Variants in NRXN1 observed in about 807,000 individuals in gnomAD.
NRXN1 encodes neurexin 1.
Under a neutral mutation model 150.9 loss-of-function variants are expected in NRXN1, and 39 were observed. The observed-to-expected ratio is 0.26, with a 90% confidence interval of 0.20 to 0.34. NRXN1 has a LOEUF of 0.34. Among genes scored for constraint, NRXN1 ranks in the 10% least tolerant of loss-of-function variants. The pLI, the probability that NRXN1 is intolerant of heterozygous loss-of-function variation, is 1.00. For missense variants in NRXN1, 1,815 were observed against 1,949.9 expected (o/e 0.93, Z 1.30); for synonymous variants, 924 against 757.0 (o/e 1.22, Z -3.62).
intron 17 of NRXN1, among the ~76,000 whole-genome samples, chr2:50,332,230 T>C (rs2076882825): frequency 6.6e-6 from 1 of 152,152 alleles, no homozygotes; most frequent in South Asian, 2.1e-4. Context: ...TTAAAGTAAG[T>C]TCTGACTAAC....
At chr2:50,605,071 A>C (rs1676872481) in intron 8 of NRXN1, among the ~76,000 whole-genome samples, 1 of 152,212 alleles carries the variant, frequency 6.6e-6, no homozygotes, top group Non-Finnish European at 1.5e-5. Flanking sequence ...ATTACATTAC[A>C]GTAGCAATAA....
chr2:50,943,638 T>C (rs1326115555), intron 2 of NRXN1, among the ~76,000 whole-genome samples: 1 of 152,198 alleles, frequency 6.6e-6, no homozygotes, highest in Non-Finnish European at 1.5e-5. Context: ...ACAGGCCTTG[T>C]AGATCTTGAT....
chr2:50,491,342 A>G lies in NRXN1; in HGVS notation c.3070+4563T>C, dbSNP rs1249709150. On this transcript the variant is annotated intron_variant, in intron 15 of 22. Coordinates refer to ENST00000401669, the MANE Select transcript of NRXN1 (RefSeq NM_001330078.2). ...CAACTGGTCAGAGATCAAGAAGAAA[A>G]GAGCAAGAATACTATTTATCTTCAA... Among the ~76,000 whole-genome samples the G allele has an allele frequency of 3.3e-5, 5 of 152,214 alleles. No individual in the cohort carries two copies. In the East Asian group the frequency reaches 9.6e-4, roughly 29 times the overall value.
rs573775785 is a variant in NRXN1 at position 50,474,381 on chromosome 2, G to C, written c.3071-1910C>G. On this transcript the variant is annotated intron_variant, in intron 15 of 22. Coordinates refer to ENST00000401669, the MANE Select transcript of NRXN1 (RefSeq NM_001330078.2). ...CTACTCCTCTTTCAGTCAAGCAGGA[G>C]ATAAAGTTGGAAGAACCTAGTTGTG... Among the ~76,000 whole-genome samples, 42 of 151,950 alleles carry C rather than the reference G, an allele frequency of 2.8e-4. 1 individual carries two copies. The South Asian group carries it at 8.5e-3, about 31-fold the overall frequency.
At chr2:50,588,998 G>C (rs1426579392) in intron 8 of NRXN1, 1 of 152,048 alleles carries the variant, frequency 6.6e-6, no homozygotes, top group South Asian at 2.1e-4. Flanking sequence ...TTTTTTTCCA[G>C]AATAGTATGT....
intron 5 of NRXN1, among the ~76,000 whole-genome samples, chr2:50,817,663 G>A (rs1346230108): frequency 2.6e-5 from 4 of 151,942 alleles, no homozygotes; most frequent in Non-Finnish European, 4.4e-5. Flanking sequence ...ACATCATGAC[G>A]AAGAGGGATC....
At chr2:50,848,955 G>A (rs546704226) in intron 5 of NRXN1, among the ~76,000 whole-genome samples, 56 of 152,278 alleles carry the variant, frequency 3.7e-4, no homozygotes, top group Non-Finnish European at 5.6e-4. Flanking sequence ...GGTCCCAGGC[G>A]ATTCCCCACA....
chr2:50,291,774 C>T (rs1324982611), intron 17 of NRXN1, among the ~76,000 whole-genome samples: 1 of 149,428 alleles, frequency 6.7e-6, no homozygotes, highest in East Asian at 2.0e-4. Flanking sequence ...ACTTAAGTCA[C>T]AGGAGCAATA....
At chr2:50,172,434 TAAC>T (rs1172218667) in intron 18 of NRXN1, among the ~76,000 whole-genome samples, 1 of 152,098 alleles carries the variant, frequency 6.6e-6, no homozygotes, top group African/African-American at 2.4e-5. Flanking sequence ...GCAAAAGTCC[TAAC>T]ATCACTCTAT....
At chr2:50,567,882 T>C (rs1333818336) in intron 8 of NRXN1, among the ~76,000 whole-genome samples, 1 of 152,166 alleles carries the variant, frequency 6.6e-6, no homozygotes, top group Non-Finnish European at 1.5e-5. Flanking sequence ...ATAATCCTCA[T>C]GACAACCTGC....
chr2:50,881,762 T>C (rs1200464509), intron 5 of NRXN1, among the ~76,000 whole-genome samples: 2 of 151,798 alleles, frequency 1.3e-5, no homozygotes, highest in African/African-American at 2.4e-5. Context: ...TTGTATATAA[T>C]TAAGAATACA....
At chr2:50,064,373 A>C (rs891897269) in intron 19 of NRXN1, among the ~76,000 whole-genome samples, 1 of 151,924 alleles carries the variant, frequency 6.6e-6, no homozygotes, top group African/African-American at 2.4e-5. Context: ...TTATAGTCTG[A>C]GGTGAGCTCT....
At chr2:51,012,645 T>C (rs946833845) in intron 2 of NRXN1, among the ~76,000 whole-genome samples, 7 of 151,994 alleles carry the variant, frequency 4.6e-5, no homozygotes, top group African/African-American at 7.2e-5. Context: ...AGCACAGAGG[T>C]GAACACTGCC....
chr2:49,946,680 A>T (rs972342687), intron 21 of NRXN1, among the ~76,000 whole-genome samples: 1 of 152,108 alleles, frequency 6.6e-6, no homozygotes, highest in East Asian at 1.9e-4. Context: ...TTTGTCAAAG[A>T]TCAGCTGGTC....
At chr2:51,017,107 G>C (rs970908488) in intron 2 of NRXN1, among the ~76,000 whole-genome samples, 1 of 151,882 alleles carries the variant, frequency 6.6e-6, no homozygotes, top group African/African-American at 2.4e-5. Flanking sequence ...CCTGTCAGGG[G>C]GTGGGGGTCT....
chr2:50,425,877 G>A (rs920375248), intron 17 of NRXN1, among the ~76,000 whole-genome samples: 1 of 152,002 alleles, frequency 6.6e-6, no homozygotes, highest in African/African-American at 2.4e-5. Flanking sequence ...GACCTTGAAC[G>A]TCACTTCACC....
chr2:50,320,283 CA>C (rs1558518768), intron 17 of NRXN1, among the ~76,000 whole-genome samples: 4,176 of 43,066 alleles, frequency 0.097, 364 homozygotes, highest in African/African-American at 0.16. Flanking sequence ...ATACCTCAAT[CA>C]TATATATATA....
At chr2:50,137,730 G>A (rs750423920) in intron 18 of NRXN1, among the ~76,000 whole-genome samples, 5 of 152,012 alleles carry the variant, frequency 3.3e-5, no homozygotes, top group African/African-American at 1.2e-4. Context: ...GAGAAAAGTG[G>A]GTTCAATTTT....
intron 2 of NRXN1, among the ~76,000 whole-genome samples, chr2:50,974,943 TA>T (rs1040409929): frequency 1.3e-5 from 2 of 152,006 alleles, no homozygotes; most frequent in African/African-American, 4.8e-5. Flanking sequence ...TTCCACTCCA[TA>T]AATGCCAACC....
Sources: gnomAD v4.1 joint callset for allele counts (sites outside exome capture counted in the v4.1 genomes callset) on GRCh38, gnomAD v4.1.1 for gene constraint, MANE v1.5 for transcripts, NCBI Gene and HGNC (gene_info 2026-07-23, HGNC 2026-07-21) for gene names.